The following PTPN13 variants were observed in gnomAD, a reference collection of about 807,000 sequenced individuals.
The protein encoded by PTPN13 is tyrosine-protein phosphatase non-receptor type 13.
PTPN13 carries 191 observed loss-of-function variants against 284.0 expected under a neutral mutation model. The ratio of observed to expected loss-of-function variants is 0.67; its 90% CI spans 0.60 to 0.76. PTPN13 has a LOEUF of 0.76. PTPN13 is among the 30% of genes least tolerant of loss of function. PTPN13 has a pLI of 0.00. For missense variants in PTPN13, 2,797 were observed against 2,939.9 expected, an observed-to-expected ratio of 0.95 and a Z score of 1.12; for synonymous variants, 986 against 1,022.3, an observed-to-expected ratio of 0.96 and a Z score of 0.68.
intron 1 of PTPN13, among the ~76,000 whole-genome samples, chr4:86,603,457 A>G (rs946210867): frequency 6.6e-6 from 1 of 152,162 alleles, no homozygotes; most frequent in Admixed American, 6.6e-5. Flanking sequence ...AATTCTTTAG[A>G]AAGTGTTTGT....
intron 35 of PTPN13, among the ~76,000 whole-genome samples, chr4:86,776,835 A>G (rs1185193955): frequency 6.6e-6 from 1 of 152,222 alleles, no homozygotes; most frequent in Non-Finnish European, 1.5e-5. Context: ...ATGAGTATTC[A>G]AAGTATGGTT....
intron 10 of PTPN13, among the ~76,000 whole-genome samples, chr4:86,728,158 G>A: frequency 6.7e-6 from 1 of 149,678 alleles, no homozygotes; most frequent in East Asian, 1.9e-4. Flanking sequence ...GCTCTAATTT[G>A]ATTGCACTGT....
intron 23 of PTPN13, among the ~76,000 whole-genome samples, chr4:86,761,107 A>T (rs1738610899): frequency 1.4e-5 from 2 of 145,722 alleles, no homozygotes; most frequent in South Asian, 4.3e-4. Context: ...TCTGTGTAGA[A>T]TAGATATATA....
chr4:86,625,735 A>G (rs1346927115), intron 1 of PTPN13, among the ~76,000 whole-genome samples: 1 of 152,144 alleles, frequency 6.6e-6, no homozygotes, highest in East Asian at 1.9e-4. Context: ...TTTGGCTCCT[A>G]GAGGCCACCC....
chr4:86,605,336 G>C lies in PTPN13; in HGVS notation c.-6+10547G>C, dbSNP rs138154182. Among the ~76,000 whole-genome samples, 21 of 152,062 alleles carry C rather than the reference G, an allele frequency of 1.4e-4. No individual in the cohort carries two copies. In the East Asian group the frequency reaches 4.0e-3, roughly 29 times the overall value. ...AAATTGAAATGGGGGATGATATTTG[G>C]TTTCAAAACAGATGAAAGTTGGATG... On this transcript the variant is annotated intron_variant, in intron 1 of 47. Transcript: ENST00000411767.
intron 14 of PTPN13, 115 bp downstream of exon 14, chr4:86,734,990 C>A: frequency 8.4e-7 from 1 of 1,192,204 alleles, no homozygotes; most frequent in Non-Finnish European, 1.2e-6. Context: ...ATTTTTGAGG[C>A]TTCTTTGGTT....
intron 1 of PTPN13, among the ~76,000 whole-genome samples, chr4:86,634,462 C>T (rs1407776152): frequency 2.0e-5 from 3 of 152,088 alleles, no homozygotes; most frequent in Non-Finnish European, 2.9e-5. Context: ...CTTAACTGAA[C>T]GCCATTGGAA....
At position 86,785,904 on chromosome 4, in the gene PTPN13, G is replaced by T. The variant is rs201581281; in HGVS notation, c.6313G>T (p.Asp2105Tyr). 4 of 1,563,854 alleles carry T rather than the reference G, an allele frequency of 2.6e-6. No homozygotes were observed. In the East Asian group the frequency reaches 9.3e-5, roughly 36 times the overall value. ...SEERTEDTDC[D>Y]GSPLPEYFTE... ...AGAGAGAACAGAAGATACAGACTGC[G>T]ATGGTTCACCTTTACCTGAGTATTT... The change falls in exon 40 of 48, where the codon GAT becomes TAT. Residue 2105 changes from aspartate to tyrosine, a missense_variant. Physicochemically the swap from Asp to Tyr is radical, Grantham distance 160 (BLOSUM62 -3). Coordinates refer to ENST00000411767, the MANE Select transcript of PTPN13 (RefSeq NM_080683.3).
intron 44 of PTPN13, among the ~76,000 whole-genome samples, chr4:86,805,693 A>G (rs1167412395): frequency 1.3e-5 from 2 of 152,162 alleles, no homozygotes; most frequent in Admixed American, 1.3e-4. Context: ...TGGCTTCTGG[A>G]TGAGGATTTT....
intron 40 of PTPN13, among the ~76,000 whole-genome samples, chr4:86,791,608 C>T (rs570792161): frequency 6.6e-6 from 1 of 152,190 alleles, no homozygotes; most frequent in Non-Finnish European, 1.5e-5. Flanking sequence ...GAGGGGCCGA[C>T]AGACACCTCA....
intron 6 of PTPN13, among the ~76,000 whole-genome samples, chr4:86,698,946 T>C (rs1353622392): frequency 6.6e-6 from 1 of 152,108 alleles, no homozygotes; most frequent in Non-Finnish European, 1.5e-5. Flanking sequence ...AAAGGAAGAA[T>C]ATTGAAAATA....
chr4:86,767,873 G>A lies in PTPN13; in HGVS notation c.4386G>A (p.Pro1462=), dbSNP rs765310671. The A allele has an allele frequency of 1.1e-5, 17 of 1,605,394 alleles. No individual in the cohort carries two copies. The highest frequency in any genetic ancestry group is 1.4e-5 in the Non-Finnish European group (16 of 1,175,394). Reference sequence around the variant, plus strand: ...CTCCAACATCTAAAGAACATGTCCCGGTAACCCCACAGTGTACCCTTTCAG... The same window carrying A: ...CTCCAACATCTAAAGAACATGTCCCAGTAACCCCACAGTGTACCCTTTCAG... ...GQSPTSKEHV[P]VTPQCTLSDQ... The change falls in exon 28 of 48, where the codon CCG becomes CCA. Residue 1462 remains proline (P), a synonymous_variant. Coordinates refer to ENST00000411767, the MANE Select transcript of PTPN13 (RefSeq NM_080683.3).
rs1286653247 is a variant in PTPN13 at position 86,617,850 on chromosome 4, A to G, written c.-5-17402A>G. Among the ~76,000 whole-genome samples the G allele has an allele frequency of 3.9e-5, 6 of 152,066 alleles. No homozygotes were observed. The South Asian group carries it at 6.2e-4, about 16-fold the overall frequency. ...GCCCTTTGTCAGATGAGTAGATTGC[A>G]AAAATTTTCTCCCATTCTGTAGGTT... On this transcript the variant is annotated intron_variant, in intron 1 of 47. Transcript: ENST00000411767.
At chr4:86,714,551 A>AT (rs1470613090) in intron 7 of PTPN13, among the ~76,000 whole-genome samples, 1 of 151,920 alleles carries the variant, frequency 6.6e-6, no homozygotes, top group Admixed American at 6.6e-5. Context: ...GGGAAAATCT[A>AT]TTTTTTTAAC....
At chr4:86,702,424 C>A in intron 7 of PTPN13, among the ~76,000 whole-genome samples, 1 of 152,138 alleles carries the variant, frequency 6.6e-6, no homozygotes, top group East Asian at 1.9e-4. Context: ...ACTATGTGGT[C>A]TTTACTTGGG....
chr4:86,730,340 G>A (rs1734791339), intron 10 of PTPN13, among the ~76,000 whole-genome samples: 1 of 149,894 alleles, frequency 6.7e-6, no homozygotes, highest in Non-Finnish European at 1.5e-5. Context: ...TCTCTTCAGA[G>A]CTGTCAGACA....
chr4:86,659,901 T>C lies in PTPN13; in HGVS notation c.116-12464T>C, dbSNP rs1021749104. On this transcript the variant is annotated intron_variant, in intron 2 of 47. Coordinates refer to ENST00000411767, the MANE Select transcript of PTPN13 (RefSeq NM_080683.3). ...GTGCCTGATAGCCACTGCATTGGAA[T>C]GTACAGATAGAATTTGATGTCTTTC... 1.9e-4 allele frequency among the ~76,000 whole-genome samples: 29 copies of C among 151,498 alleles called. 1 individual carries two copies. The highest frequency in any genetic ancestry group is 1.3e-4 in the Admixed American group (2 of 15,236).
At chr4:86,744,823 G>A (rs1736547740) in intron 16 of PTPN13, 143 bp from the exon 17 acceptor site, 1 of 697,014 alleles carries the variant, frequency 1.4e-6, no homozygotes, top group Admixed American at 3.0e-5. Context: ...GTATTTCTTG[G>A]AACATGTCTT....
At chr4:86,693,708 T>A in intron 6 of PTPN13, 34 bp downstream of exon 6, 1 of 1,428,632 alleles carries the variant, frequency 7.0e-7, no homozygotes, top group Non-Finnish European at 9.5e-7. Context: ...GTCTAGGCTT[T>A]AACCTTATCC....
Sources: allele counts gnomAD v4.1 joint callset (sites outside exome capture counted in the v4.1 genomes callset), GRCh38; gene constraint gnomAD v4.1.1; transcripts MANE v1.5; gene names NCBI Gene and HGNC (gene_info 2026-07-23, HGNC 2026-07-21).